Variants in CTIF observed in about 807,000 individuals in gnomAD.
The protein encoded by CTIF is CBP80/20-dependent translation initiation factor.
Under a neutral mutation model 66.0 loss-of-function variants are expected in CTIF, and 21 were observed. The observed-to-expected ratio is 0.32, with a 90% CI of 0.23 to 0.46. The LOEUF (loss-of-function observed/expected upper bound fraction) is 0.46, where lower values mean the gene tolerates loss of function less well. Ranked by LOEUF, CTIF falls within the 20% of genes least tolerant of loss-of-function variation. The pLI is 1.00. For synonymous variants in CTIF, 345 were observed against 326.4 expected (o/e 1.06, Z -0.62); for missense variants, 739 against 812.7 (o/e 0.91, Z 1.10).
At chr18:48,787,849 C>A (rs1219919958) in intron 9 of CTIF, among the ~76,000 whole-genome samples, 1 of 152,212 alleles carries the variant, frequency 6.6e-6, no homozygotes, top group East Asian at 1.9e-4. Flanking sequence ...TCCCCAGCAC[C>A]CTGAGGGGAC....
chr18:48,551,207 A>T (rs929117136), intron 1 of CTIF, among the ~76,000 whole-genome samples: 3 of 151,592 alleles, frequency 2.0e-5, no homozygotes, highest in Non-Finnish European at 2.9e-5. Flanking sequence ...TGCAACGAGA[A>T]GGCAGCCATC....
intron 1 of CTIF, among the ~76,000 whole-genome samples, chr18:48,544,216 A>C (rs186467296): frequency 1.0e-3 from 153 of 152,334 alleles, no homozygotes; most frequent in Admixed American, 2.7e-3. Context: ...AATACGCTGC[A>C]CTTGATTTGG....
chr18:48,743,733 T>C (rs2092573060), intron 7 of CTIF, among the ~76,000 whole-genome samples: 1 of 152,160 alleles, frequency 6.6e-6, no homozygotes, highest in Admixed American at 6.5e-5. Flanking sequence ...ATCTAAAAAC[T>C]GTATTTGACA....
chr18:48,807,148 G>A (rs1415292039), intron 9 of CTIF, among the ~76,000 whole-genome samples: 1 of 152,164 alleles, frequency 6.6e-6, no homozygotes, highest in Non-Finnish European at 1.5e-5. Flanking sequence ...GTCAAGAGGA[G>A]ACACACAGGC....
intron 6 of CTIF, among the ~76,000 whole-genome samples, chr18:48,691,674 T>C (rs531896131): frequency 3.9e-5 from 6 of 152,238 alleles, no homozygotes; most frequent in African/African-American, 1.4e-4. Flanking sequence ...TCTGTCCTCC[T>C]CAAAGAAATT....
intron 1 of CTIF, among the ~76,000 whole-genome samples, chr18:48,544,663 G>C (rs185965359): frequency 6.6e-6 from 1 of 152,350 alleles, no homozygotes; most frequent in East Asian, 1.9e-4. Flanking sequence ...GAATTTGGGA[G>C]TAGGCCTGGG....
chr18:48,778,937 T>A (rs970257926), intron 9 of CTIF, among the ~76,000 whole-genome samples: 6 of 152,192 alleles, frequency 3.9e-5, no homozygotes, highest in African/African-American at 7.2e-5. Context: ...CAAAGCTGTT[T>A]CAGCCCTGAC....
At chr18:48,627,423 G>A (rs34596747) in intron 2 of CTIF, among the ~76,000 whole-genome samples, 23,222 of 151,958 alleles carry the variant, frequency 0.15, 1,911 homozygotes, top group South Asian at 0.26. Context: ...GGGAAGGCTC[G>A]CTTAGGAGTG....
At chr18:48,721,979 A>G (rs1216210737) in intron 7 of CTIF, among the ~76,000 whole-genome samples, 1 of 152,220 alleles carries the variant, frequency 6.6e-6, no homozygotes. Flanking sequence ...GGGATATTCC[A>G]TTCCTTAACC....
In CTIF at chr18:48,765,300, A is replaced by T. The variant is rs188428783; in HGVS notation, c.1371+3611A>T. On this transcript the variant is annotated intron_variant, in intron 9 of 11. Coordinates refer to ENST00000256413, the MANE Select transcript of CTIF (RefSeq NM_014772.3). The stretch of plus-strand genomic sequence containing the variant: ...ACTCAGCTCCATCCACTCAAGGCCC[A>T]TCTGGCTCTCGGTCCCCAACCAGCA... 2.9e-4 allele frequency among the ~76,000 whole-genome samples: 44 copies of T among 151,944 alleles called. No individual in the cohort carries two copies. In the East Asian group the frequency reaches 7.9e-3, roughly 27 times the overall value.
rs532945938 is a variant in CTIF, at chr18:48,854,318, G to A, written c.1528-3270G>A. Among the ~76,000 whole-genome samples, 4 of 152,272 alleles carry A rather than the reference G, an allele frequency of 2.6e-5. No individual in the cohort carries two copies. In the East Asian group the frequency reaches 7.7e-4, roughly 29 times the overall value. Reference sequence around the variant, plus strand: ...ACCCAGCCTTAAAGGATGGAGAGAGGATGGAGAGCCCCAAAGATACAAAGT... The same window carrying A: ...ACCCAGCCTTAAAGGATGGAGAGAGAATGGAGAGCCCCAAAGATACAAAGT... On this transcript the variant is annotated intron_variant, in intron 10 of 11. Coordinates refer to ENST00000256413, the MANE Select transcript of CTIF (RefSeq NM_014772.3).
chr18:48,754,510 C>T (rs1380373384), intron 7 of CTIF, among the ~76,000 whole-genome samples: 1 of 152,246 alleles, frequency 6.6e-6, no homozygotes, highest in Non-Finnish European at 1.5e-5. Flanking sequence ...GAGGGACAGT[C>T]TTAGTGCCTC....
chr18:48,658,664 G>A (rs1000922231), intron 3 of CTIF, among the ~76,000 whole-genome samples: 1 of 152,128 alleles, frequency 6.6e-6, no homozygotes, highest in African/African-American at 2.4e-5. Context: ...GTGTGTGGAT[G>A]TGTCTGTCTA....
At chr18:48,766,488 C>T (rs967207112) in intron 9 of CTIF, among the ~76,000 whole-genome samples, 36 of 152,152 alleles carry the variant, frequency 2.4e-4, no homozygotes, top group African/African-American at 8.2e-4. Flanking sequence ...TTCTCAGCCT[C>T]GCTATGCATG....
chr18:48,675,513 G>C (rs551295054), intron 6 of CTIF, among the ~76,000 whole-genome samples: 1 of 152,206 alleles, frequency 6.6e-6, no homozygotes, highest in Non-Finnish European at 1.5e-5. Context: ...CGTCTTCACC[G>C]GCCATGCCTC....
chr18:48,640,221 C>T (rs1398991374), intron 3 of CTIF, among the ~76,000 whole-genome samples: 1 of 152,240 alleles, frequency 6.6e-6, no homozygotes, highest in Non-Finnish European at 1.5e-5. Flanking sequence ...TGGCTCCTTG[C>T]TGCACTCACG....
intron 1 of CTIF, among the ~76,000 whole-genome samples, chr18:48,599,041 A>G (rs2090039941): frequency 6.6e-6 from 1 of 152,178 alleles, no homozygotes; most frequent in Admixed American, 6.5e-5. Context: ...TCTGCGTGGG[A>G]GGACTGCCCA....
intron 2 of CTIF, among the ~76,000 whole-genome samples, chr18:48,633,225 G>T (rs924202458): frequency 1.3e-5 from 2 of 152,200 alleles, no homozygotes; most frequent in Non-Finnish European, 2.9e-5. Context: ...ATGGCCTCAT[G>T]TTCCCTCCAG....
chr18:48,560,572 C>T (rs927373384), intron 1 of CTIF, among the ~76,000 whole-genome samples: 15 of 151,470 alleles, frequency 9.9e-5, no homozygotes, highest in African/African-American at 3.6e-4. Flanking sequence ...AAGGAATATC[C>T]TTCCTTCTTT....
Sources: allele counts gnomAD v4.1 joint callset (sites outside exome capture counted in the v4.1 genomes callset), GRCh38; gene constraint gnomAD v4.1.1; transcripts MANE v1.5; gene names NCBI Gene and HGNC (gene_info 2026-07-23, HGNC 2026-07-21).